RBM45: variants seen among roughly 807,000 people sequenced by gnomAD.
RBM45 encodes the protein RNA-binding protein 45.
RBM45 carries 39 observed loss-of-function variants against 58.5 expected under a neutral mutation model. The observed-to-expected ratio is 0.67, with a 90% CI of 0.52 to 0.87. The LOEUF (loss-of-function observed/expected upper bound fraction) is 0.87. Among genes scored for constraint, RBM45 ranks in the 40% least tolerant of loss-of-function variants. The pLI is 0.00. For missense variants in RBM45, 481 were observed against 581.6 expected (o/e 0.83, Z 1.78); for synonymous variants, 193 against 203.0 (o/e 0.95, Z 0.42).
chr2:178,119,759 G>T (rs2087824627), intron 3 of RBM45, among the ~76,000 whole-genome samples: 3 of 152,108 alleles, frequency 2.0e-5, no homozygotes, highest in Admixed American at 2.0e-4. Context: ...AGGGTTTGTG[G>T]AATCTTCCCA....
Position 178,116,349 on chromosome 2 carries a change from T to C in RBM45, c.388T>C (p.Ser130Pro). Residue 130 changes from serine (S) to proline (P), a missense_variant, in exon 2 of 10, where the codon TCC (serine) becomes CCC (proline). Coordinates refer to ENST00000286070, the MANE Select transcript of RBM45 (RefSeq NM_152945.4). ...LTRIFVMIPK[S>P]YTEEDLREKF... ...AAGAATCTTTGTTATGATACCAAAG[T>C]CCTACACAGAAGAAGATCTGCGGGA... The C allele has an allele frequency of 6.2e-7, 1 of 1,608,092 alleles. No homozygotes were observed. The highest frequency in any genetic ancestry group is 8.5e-7 in the Non-Finnish European group (1 of 1,178,496).
exon 4 of RBM45, chr2:178,137,181 T>C (rs1045145410): frequency 6.6e-6 from 1 of 152,210 alleles, no homozygotes; most frequent in Non-Finnish European, 1.5e-5. Context: ...GAACTGCTCA[T>C]TAAAACTACA....
At chr2:178,123,370 C>G in intron 5 of RBM45, 152 bp from the exon 6 acceptor site, 1 of 671,548 alleles carries the variant, frequency 1.5e-6, no homozygotes, top group Non-Finnish European at 2.3e-6. Flanking sequence ...CACATGATAA[C>G]AGAACTGTGT....
chr2:178,124,295 G>C lies in RBM45; in HGVS notation c.1232+5G>C. On this transcript the variant is annotated splice_donor_5th_base_variant and intron_variant, in intron 8 of 9. Transcript: ENST00000286070. ...CGTATTAGAAGATATATTCTGGTAAGAAAGTTACATTTTTTGTTATATTTT... is the reference window on the plus strand; with the variant it reads ...CGTATTAGAAGATATATTCTGGTAACAAAGTTACATTTTTTGTTATATTTT... 1.3e-6 allele frequency: 2 copies of C among 1,494,918 alleles called. No individual in the cohort carries two copies. Among genetic ancestry groups the C allele is most frequent in the Non-Finnish European group, 1.8e-6 (2 of 1,104,756 alleles). 92.6% of individuals were successfully genotyped at this position (1,494,918 alleles called of 1,614,324 possible). A position where few individuals can be genotyped will look rare whatever the true frequency, so the allele number is the denominator to read the frequency against.
intron 1 of RBM45, among the ~76,000 whole-genome samples, chr2:178,113,049 C>A (rs958445082): frequency 9.2e-5 from 14 of 152,152 alleles, no homozygotes; most frequent in African/African-American, 2.7e-4. Context: ...GGGAAGGGGA[C>A]GGGATGCGGA....
rs186837293 is a variant in RBM45, at chr2:178,126,310, C to T, written c.*8+126C>T. 335 of 477,324 alleles carry T rather than the reference C, an allele frequency of 7.0e-4. 3 individuals carry two copies. The highest frequency in any genetic ancestry group is 3.1e-5 in the Non-Finnish European group (9 of 285,786). The allele number at this position is 477,324 out of a possible 1,614,324, so 29.6% of individuals were successfully genotyped here. ...GTTGTCAGTTAAAAGAGCTTTGCAA[C>T]TATTTAAACTTTAAAAATTGTTGAC... On this transcript the variant is annotated intron_variant, in intron 9 of 9. Coordinates refer to ENST00000286070, the MANE Select transcript of RBM45 (RefSeq NM_152945.4).
At chr2:178,128,485 T>C (rs1275910438) in intron 9 of RBM45, among the ~76,000 whole-genome samples, 1 of 152,220 alleles carries the variant, frequency 6.6e-6, no homozygotes, top group Non-Finnish European at 1.5e-5. Flanking sequence ...AAACTAAAAG[T>C]ATAATGATAT....
chr2:178,116,163 A>G (rs1016498121), intron 1 of RBM45, 99 bp from the exon 2 acceptor site: 2 of 1,351,214 alleles, frequency 1.5e-6, no homozygotes, highest in Non-Finnish European at 2.0e-6. Context: ...CTCAAAGATT[A>G]AAAAAAAGTC....
downstream of RBM45, among the ~76,000 whole-genome samples, chr2:178,134,583 G>C (rs1432024654): frequency 2.0e-5 from 3 of 149,288 alleles, no homozygotes; most frequent in Non-Finnish European, 4.5e-5. Flanking sequence ...TTTTTTTGTT[G>C]TTTTTTTATG....
chr2:178,124,438 C>T (rs1041198642), intron 8 of RBM45, 148 bp downstream of exon 8: 24 of 455,766 alleles, frequency 5.3e-5, no homozygotes, highest in Non-Finnish European at 8.0e-5. Context: ...TCATCTTTTT[C>T]AATTTCTGAT....
chr2:178,136,536 G>A (rs1479166166), exon 4 of RBM45: 4 of 152,186 alleles, frequency 2.6e-5, no homozygotes, highest in Non-Finnish European at 5.9e-5. Flanking sequence ...CTCAGTAGGG[G>A]AGTCATAAAA....
In RBM45 at chr2:178,120,339, A is replaced by G; in HGVS notation, c.603A>G (p.Glu201=). 1 of 1,613,378 alleles carries G rather than the reference A, an allele frequency of 6.2e-7. No homozygotes were observed. Among genetic ancestry groups the G allele is most frequent in the South Asian group, 1.1e-5 (1 of 91,020 alleles). The change falls in exon 4 of 10, where the codon GAA becomes GAG. Residue 201 remains glutamate (E), a synonymous_variant. Coordinates refer to ENST00000286070, the MANE Select transcript of RBM45 (RefSeq NM_152945.4). ...AAAATAAAGCATCTGAATCCTCTGA[A>G]CAAGATTATTATAGTAATATGAGGC... ...EPKNKASESS[E]QDYYSNMRQE... is the part of the protein sequence containing the mutation.
exon 4 of RBM45, chr2:178,138,775 T>C (rs1194541045): frequency 6.6e-6 from 1 of 152,164 alleles, no homozygotes; most frequent in African/African-American, 2.4e-5. Context: ...TTTTATTATA[T>C]GACTTATCTA....
In RBM45 at chr2:178,112,487, G is replaced by T; in HGVS notation, c.-60G>T. The T allele has an allele frequency of 6.8e-7, 1 of 1,477,262 alleles. No homozygotes were observed. The highest frequency in any genetic ancestry group is 9.3e-7 in the Non-Finnish European group (1 of 1,074,926). 91.5% of individuals were successfully genotyped at this position (1,477,262 alleles called of 1,614,324 possible). A position where few individuals can be genotyped will look rare whatever the true frequency, so the allele number is the denominator to read the frequency against. On this transcript the variant is annotated 5_prime_UTR_variant, in exon 1 of 10. Transcript: ENST00000286070. The stretch of plus-strand genomic sequence containing the variant: ...GCAAAGGCTTGGGTGTGAGACAGCA[G>T]CGGTGGCAGACACCGCAGAAGCAAA...
At position 178,118,163 on chromosome 2, in the gene RBM45, A is replaced by G. The variant is rs1225977213; in HGVS notation, c.532A>G (p.Ile178Val). ...YLKPSQAAQA[I>V]ENCDRSFRAI... ...AAAACCATCACAAGCTGCCCAAGCA[A>G]TAGAAAACTGTGATCGAAGTAAGGA... Residue 178 changes from isoleucine (I) to valine (V), a missense_variant, in exon 3 of 10, where the codon ATA becomes GTA. Transcript: ENST00000286070. The G allele has an allele frequency of 3.7e-6, 6 of 1,611,442 alleles. No individual in the cohort carries two copies. The highest frequency in any genetic ancestry group is 1.1e-5 in the South Asian group (1 of 90,706).
At chr2:178,132,612 CAG>C (rs1321671549), downstream of RBM45, among the ~76,000 whole-genome samples, 3 of 149,510 alleles carry the variant, frequency 2.0e-5, no homozygotes, top group Non-Finnish European at 4.5e-5. Flanking sequence ...TTGTTTGAGA[CAG>C]AGTTTCACTC....
intron 3 of RBM45, among the ~76,000 whole-genome samples, chr2:178,120,018 A>G (rs2087827869): frequency 6.6e-6 from 1 of 152,166 alleles, no homozygotes; most frequent in Non-Finnish European, 1.5e-5. Context: ...TGACGATGTT[A>G]TCTGTAATAG....
At chr2:178,123,163 ATC>A (rs756560933) in intron 5 of RBM45, among the ~76,000 whole-genome samples, 41 of 152,188 alleles carry the variant, frequency 2.7e-4, no homozygotes, top group Non-Finnish European at 5.0e-4. Flanking sequence ...GGTTGGGAAA[ATC>A]TTAAAATTTC....
chr2:178,131,445 C>T (rs754180884), downstream of RBM45, among the ~76,000 whole-genome samples: 63 of 152,172 alleles, frequency 4.1e-4, no homozygotes, highest in Admixed American at 1.2e-3. Context: ...TAGAGTATTT[C>T]ACTGGGCTTT....
Sources: allele counts gnomAD v4.1 joint callset (sites outside exome capture counted in the v4.1 genomes callset), GRCh38; gene constraint gnomAD v4.1.1; transcripts MANE v1.5; gene names NCBI Gene and HGNC (gene_info 2026-07-23, HGNC 2026-07-21).